AJAP1: variants seen among roughly 807,000 people sequenced by gnomAD.
AJAP1 encodes adherens junction-associated protein 1.
A neutral mutation model predicts 35.0 loss-of-function variants in AJAP1; 5 were observed. That is an observed-to-expected ratio of 0.14 (90% confidence interval 0.07 to 0.30). The LOEUF (loss-of-function observed/expected upper bound fraction) is 0.30, where lower values mean the gene tolerates loss of function less well. AJAP1 is among the 10% of genes least tolerant of loss of function. The pLI, the probability that AJAP1 is intolerant of heterozygous loss-of-function variation, is 1.00. For missense variants in AJAP1, 586 were observed against 571.0 expected, an observed-to-expected ratio of 1.03 and a Z score of -0.27; for synonymous variants, 284 against 249.3, an observed-to-expected ratio of 1.14 and a Z score of -1.31.
At chr1:4,721,066 A>C (rs1446826007) in intron 2 of AJAP1, among the ~76,000 whole-genome samples, 1 of 152,168 alleles carries the variant, frequency 6.6e-6, no homozygotes, top group Non-Finnish European at 1.5e-5. Flanking sequence ...ATAGCACTTT[A>C]CAGTTGCACA....
chr1:4,679,850 T>TGTGTGTGG (rs1639445294), intron 1 of AJAP1, among the ~76,000 whole-genome samples: 1 of 147,624 alleles, frequency 6.8e-6, no homozygotes. Context: ...TGTGTGTGTG[T>TGTGTGTGG]GTAGAGAGAG....
intron 1 of AJAP1, among the ~76,000 whole-genome samples, chr1:4,702,462 C>T (rs1640009963): frequency 6.6e-6 from 1 of 152,248 alleles, no homozygotes; most frequent in Non-Finnish European, 1.5e-5. Flanking sequence ...GAGAGTTTGG[C>T]TTTGCTTACT....
intron 3 of AJAP1, among the ~76,000 whole-genome samples, chr1:4,771,806 T>C (rs1384086095): frequency 6.6e-6 from 1 of 152,086 alleles, no homozygotes; most frequent in Non-Finnish European, 1.5e-5. Flanking sequence ...TTCTCACTCA[T>C]CAGCTTTCCC....
intron 2 of AJAP1, among the ~76,000 whole-genome samples, chr1:4,737,265 G>T (rs1305018887): frequency 6.6e-6 from 1 of 152,036 alleles, no homozygotes; most frequent in Non-Finnish European, 1.5e-5. Context: ...GCATGAGCCT[G>T]AGCCTGAGCC....
chr1:4,666,978 G>T (rs1370468272), intron 1 of AJAP1, among the ~76,000 whole-genome samples: 2 of 149,776 alleles, frequency 1.3e-5, no homozygotes, highest in Non-Finnish European at 3.0e-5. Flanking sequence ...AGAGGAGCCT[G>T]TGAATCACAG....
At chr1:4,725,108 G>A (rs556550881) in intron 2 of AJAP1, among the ~76,000 whole-genome samples, 69 of 152,328 alleles carry the variant, frequency 4.5e-4, no homozygotes, top group East Asian at 9.7e-4. Flanking sequence ...CACCTGGGGC[G>A]CCAGCTCAGC....
rs533728541 is a variant in AJAP1, at chr1:4,713,268, C to T, written c.829+569C>T. Among the ~76,000 whole-genome samples the T allele has an allele frequency of 5.9e-5, 9 of 152,294 alleles. No homozygotes were observed. In the East Asian group the frequency reaches 1.7e-3, roughly 29 times the overall value. On this transcript the variant is annotated intron_variant, in intron 2 of 5. Transcript: ENST00000378191. The stretch of plus-strand genomic sequence containing the variant: ...GAGGCTGGGTAAAAGGAAGAACTTC[C>T]TGCGGTGTTAACAGAACCTTCGCAG...
Position 4,696,762 on chromosome 1 carries a change from G to A in AJAP1, c.30-15138G>A, listed in dbSNP as rs147510827. On this transcript the variant is annotated intron_variant, in intron 1 of 5. Transcript: ENST00000378191. ...CTGCGTTCTGTGTGTGCATATGACT[G>A]TGTGTGCATTCAGGCATATTCTGTG... is the stretch of plus-strand genomic sequence containing the variant. 2.8e-3 allele frequency among the ~76,000 whole-genome samples: 420 copies of A among 152,314 alleles called. 4 individuals are homozygous for A. Among genetic ancestry groups the A allele is most frequent in the African/African-American group, 9.5e-3 (393 of 41,556 alleles).
At chr1:4,757,197 TC>T in intron 2 of AJAP1, among the ~76,000 whole-genome samples, 1 of 152,330 alleles carries the variant, frequency 6.6e-6, no homozygotes, top group East Asian at 1.9e-4. Flanking sequence ...TCCTTTGCCT[TC>T]AGCACAGACC....
intron 1 of AJAP1, among the ~76,000 whole-genome samples, chr1:4,668,923 G>A (rs1194078063): frequency 6.6e-6 from 1 of 152,212 alleles, no homozygotes; most frequent in Non-Finnish European, 1.5e-5. Flanking sequence ...CAAGTAGGTA[G>A]AATTTATGTC....
Position 4,655,805 on chromosome 1 carries a change from G to A in AJAP1, c.29+351G>A, listed in dbSNP as rs868660006. On this transcript the variant is annotated intron_variant, in intron 1 of 5. Coordinates refer to ENST00000378191, the MANE Select transcript of AJAP1 (RefSeq NM_018836.4). This position sits in a 1 kb window ranked among gnomAD's most constrained non-coding sequence, Gnocchi z 6.9. Reference sequence around the variant, plus strand: ...GGCGCGCCTCCTCCCCGGGGCCCGGGGCGAGGCGCCGGCCGCTGGGCGCGG... The same window carrying A: ...GGCGCGCCTCCTCCCCGGGGCCCGGAGCGAGGCGCCGGCCGCTGGGCGCGG... 6.0e-5 allele frequency among the ~76,000 whole-genome samples: 9 copies of A among 149,046 alleles called. No individual in the cohort carries two copies. Among genetic ancestry groups the A allele is most frequent in the Non-Finnish European group, 7.5e-5 (5 of 66,904 alleles).
At chr1:4,700,107 G>A (rs748471725) in intron 1 of AJAP1, among the ~76,000 whole-genome samples, 33 of 152,142 alleles carry the variant, frequency 2.2e-4, no homozygotes, top group Non-Finnish European at 3.5e-4. Context: ...CCCGAGCTCC[G>A]GAAGGGGCCA....
chr1:4,659,216 A>G (rs928032730), intron 1 of AJAP1, among the ~76,000 whole-genome samples: 12 of 152,238 alleles, frequency 7.9e-5, no homozygotes, highest in African/African-American at 2.9e-4. Context: ...GTAGTTGCCA[A>G]GTTTTCTTCA....
At position 4,710,321 on chromosome 1, in the gene AJAP1, CCTCA is replaced by C. The variant is rs368648303; in HGVS notation, c.30-1573_30-1570del. ...ACCAAATACACACAGACACCCTGGC[CCTCA>C]CTCACGCACAGTCTCTCACACTCGT... On this transcript the variant is annotated intron_variant, in intron 1 of 5. Coordinates refer to ENST00000378191, the MANE Select transcript of AJAP1 (RefSeq NM_018836.4). 8.7e-4 allele frequency among the ~76,000 whole-genome samples: 132 copies of C among 152,188 alleles called. 1 individual carries two copies. The highest frequency in any genetic ancestry group is 2.6e-3 in the African/African-American group (110 of 41,510).
chr1:4,783,148 C>A lies in AJAP1; in HGVS notation c.*663C>A, dbSNP rs1642097996. ...TACAAAATCTGATTTATTTAACATGCTTAGTATGAGCAGAATAAACCAGTG... is the reference window on the plus strand; with the variant it reads ...TACAAAATCTGATTTATTTAACATGATTAGTATGAGCAGAATAAACCAGTG... On this transcript the variant is annotated 3_prime_UTR_variant, in exon 6 of 6. Coordinates refer to ENST00000378191, the MANE Select transcript of AJAP1 (RefSeq NM_018836.4). The A allele has an allele frequency of 3.7e-6, 1 of 266,724 alleles. No individual in the cohort carries two copies. The highest frequency in any genetic ancestry group is 6.9e-6 in the Non-Finnish European group (1 of 144,064). The allele number at this position is 266,724 out of a possible 1,614,324, so 16.5% of individuals were successfully genotyped here.
At chr1:4,718,826 T>C (rs1306524873) in intron 2 of AJAP1, among the ~76,000 whole-genome samples, 2 of 152,094 alleles carry the variant, frequency 1.3e-5, no homozygotes, top group Non-Finnish European at 2.9e-5. Flanking sequence ...CAACTCTGTC[T>C]TCTTTCACCA....
chr1:4,780,136 A>C (rs1296052599), intron 5 of AJAP1, among the ~76,000 whole-genome samples: 1 of 69,038 alleles, frequency 1.4e-5, no homozygotes. Context: ...AGTCTCAAAA[A>C]AAAAAAAAAA....
chr1:4,789,324 T>C lies in AJAP1; in HGVS notation c.*6839T>C, dbSNP rs2235438. The C allele has an allele frequency of 0.68, 103,910 of 152,188 alleles. 37,005 individuals are homozygous for C. Among genetic ancestry groups the C allele is most frequent in the African/African-American group, 0.85 (35,130 of 41,526 alleles). 9.4% of individuals were successfully genotyped at this position (152,188 alleles called of 1,614,324 possible). On this transcript the variant is annotated 3_prime_UTR_variant, in exon 6 of 6. Transcript: ENST00000378191. This position sits in a 1 kb window ranked among gnomAD's most constrained non-coding sequence, Gnocchi z 4.4. ...CAAGAGAGTTCTAAGCCAAGACATG[T>C]GCTTGGGACTGGATTAACTCTTGTC... is the stretch of plus-strand genomic sequence containing the variant.
At chr1:4,665,478 A>G (rs781168126) in intron 1 of AJAP1, among the ~76,000 whole-genome samples, 1 of 152,038 alleles carries the variant, frequency 6.6e-6, no homozygotes, top group Non-Finnish European at 1.5e-5. Flanking sequence ...TTTTGGGCTA[A>G]TTTGATTCTC....
Sources: allele counts gnomAD v4.1 joint callset (sites outside exome capture counted in the v4.1 genomes callset), GRCh38; gene constraint gnomAD v4.1.1; non-coding constraint Gnocchi (gnomAD v3.1); transcripts MANE v1.5; gene names NCBI Gene and HGNC (gene_info 2026-07-23, HGNC 2026-07-21).